The following TENM2 variants were observed in gnomAD, a reference collection of about 807,000 sequenced individuals.
TENM2 encodes teneurin-2.
In TENM2, 52 loss-of-function variants were observed where a neutral mutation model predicts 245.2. That is an observed-to-expected ratio of 0.21 (90% confidence interval 0.17 to 0.27). The LOEUF is 0.27. TENM2 is among the 10% of genes least tolerant of loss of function. The pLI is 1.00. For synonymous variants in TENM2, 1,363 were observed against 1,438.9 expected (o/e 0.95, Z 1.19); for missense variants, 3,046 against 3,666.8 (o/e 0.83, Z 4.37).
intron 2 of TENM2, among the ~76,000 whole-genome samples, chr5:167,859,715 C>G (rs1295918190): frequency 9.8e-6 from 1 of 102,292 alleles, no homozygotes; most frequent in African/African-American, 4.7e-5. Flanking sequence ...GGCCAGCCGC[C>G]CCGTCCGGGA....
the TENM2 span, among the ~76,000 whole-genome samples, chr5:167,198,162 G>A: frequency 5.3e-5 from 8 of 151,984 alleles, no homozygotes; most frequent in Non-Finnish European, 8.8e-5. Flanking sequence ...ACCATAGAAC[G>A]CTTCAGTCCT....
At chr5:168,105,161 C>G (rs773150873) in intron 9 of TENM2, among the ~76,000 whole-genome samples, 7 of 152,116 alleles carry the variant, frequency 4.6e-5, no homozygotes, top group Non-Finnish European at 8.8e-5. Context: ...CTTTAAGGAT[C>G]ACTCCAACTG....
chr5:167,042,555 T>C, the TENM2 span, among the ~76,000 whole-genome samples: 1 of 152,206 alleles, frequency 6.6e-6, no homozygotes, highest in African/African-American at 2.4e-5. Context: ...CCACGAATTA[T>C]AATATGATTG....
intron 2 of TENM2, among the ~76,000 whole-genome samples, chr5:167,535,286 A>AG (rs34027757): frequency 2.0e-5 from 3 of 151,868 alleles, no homozygotes; most frequent in Non-Finnish European, 2.9e-5. Flanking sequence ...TGCGCCTCAA[A>AG]GGGGTGACAT....
At chr5:168,166,412 T>A (rs1562238596) in intron 13 of TENM2, among the ~76,000 whole-genome samples, 1 of 152,234 alleles carries the variant, frequency 6.6e-6, no homozygotes, top group East Asian at 1.9e-4. Context: ...TAGATATAGA[T>A]ACAAATAACA....
chr5:167,124,142 C>T, the TENM2 span, among the ~76,000 whole-genome samples: 564 of 152,006 alleles, frequency 3.7e-3, 1 homozygote, highest in Non-Finnish European at 6.6e-3. Flanking sequence ...TACTTTTTTG[C>T]GGGACTTCAG....
chr5:167,048,764 T>C, the TENM2 span, among the ~76,000 whole-genome samples: 2 of 152,162 alleles, frequency 1.3e-5, no homozygotes, highest in African/African-American at 4.8e-5. Context: ...CTTTCTAAAT[T>C]ACATATAATT....
intron 2 of TENM2, among the ~76,000 whole-genome samples, chr5:167,665,429 G>A (rs1326861921): frequency 1.3e-5 from 2 of 151,264 alleles, no homozygotes; most frequent in Non-Finnish European, 2.9e-5. Flanking sequence ...GGCAGAAGAG[G>A]ATATAAGAGA....
At chr5:167,518,081 G>A (rs1430488281) in intron 2 of TENM2, among the ~76,000 whole-genome samples, 1 of 151,718 alleles carries the variant, frequency 6.6e-6, no homozygotes, top group African/African-American at 2.4e-5. Flanking sequence ...CAGCTATCAC[G>A]AGGCTGAGGC....
intron 1 of TENM2, among the ~76,000 whole-genome samples, chr5:167,347,921 C>T (rs1758568235): frequency 6.6e-6 from 1 of 152,136 alleles, no homozygotes; most frequent in Non-Finnish European, 1.5e-5. Context: ...GATGGAAACA[C>T]AGAGCATTAC....
At chr5:167,653,427 A>G (rs1051335143) in intron 2 of TENM2, 2 of 152,078 alleles carry the variant, frequency 1.3e-5, no homozygotes, top group African/African-American at 4.8e-5. Context: ...AGCTATCTCT[A>G]TATATTTAAG....
At chr5:168,110,747 G>T (rs528860881) in intron 9 of TENM2, among the ~76,000 whole-genome samples, 1 of 152,242 alleles carries the variant, frequency 6.6e-6, no homozygotes, top group Admixed American at 6.5e-5. Context: ...GTACTCCGAA[G>T]AATTTAAATA....
chr5:167,540,010 C>A (rs1327087644), intron 2 of TENM2, among the ~76,000 whole-genome samples: 1 of 152,088 alleles, frequency 6.6e-6, no homozygotes, highest in Non-Finnish European at 1.5e-5. Flanking sequence ...TTCATGCATG[C>A]AAAAACAGTG....
the TENM2 span, among the ~76,000 whole-genome samples, chr5:167,108,203 G>C: frequency 6.6e-6 from 1 of 151,102 alleles, no homozygotes; most frequent in East Asian, 1.9e-4. Context: ...TCGACTCACT[G>C]CAACCTCTGC....
At chr5:167,108,781 T>A in the TENM2 span, among the ~76,000 whole-genome samples, 2 of 152,246 alleles carry the variant, frequency 1.3e-5, no homozygotes, top group East Asian at 1.9e-4. Context: ...TAGCCATTTT[T>A]AAATCAGTAC....
At chr5:167,690,909 C>A (rs1757383627) in intron 2 of TENM2, among the ~76,000 whole-genome samples, 1 of 137,542 alleles carries the variant, frequency 7.3e-6, no homozygotes, top group Admixed American at 7.7e-5. Context: ...GTATATATAT[C>A]CGTATATGCG....
the TENM2 span, among the ~76,000 whole-genome samples, chr5:167,045,222 G>A: frequency 3.3e-5 from 5 of 152,072 alleles, no homozygotes; most frequent in South Asian, 2.1e-4. Context: ...TCTAAATTCC[G>A]GACTTATTAG....
chr5:167,551,932 G>A (rs1582368051), intron 2 of TENM2, among the ~76,000 whole-genome samples: 1 of 152,194 alleles, frequency 6.6e-6, no homozygotes, highest in East Asian at 1.9e-4. Flanking sequence ...GGGAATGTGG[G>A]TGAACTCCTT....
At chr5:167,625,333 G>A (rs1293428932) in intron 2 of TENM2, among the ~76,000 whole-genome samples, 2 of 152,110 alleles carry the variant, frequency 1.3e-5, no homozygotes, top group Non-Finnish European at 2.9e-5. Flanking sequence ...CCTGGCTACA[G>A]TCTCTCCCCT....
Sources: gnomAD v4.1 joint callset for allele counts (sites outside exome capture counted in the v4.1 genomes callset) on GRCh38, gnomAD v4.1.1 for gene constraint, MANE v1.5 for transcripts, NCBI Gene and HGNC (gene_info 2026-07-23, HGNC 2026-07-21) for gene names.